Variants in MAGI1 observed in about 807,000 individuals in gnomAD.
MAGI1 encodes membrane associated guanylate kinase, WW and PDZ domain containing 1.
MAGI1 carries 58 observed loss-of-function variants against 139.9 expected under a neutral mutation model. The ratio of observed to expected loss-of-function variants is 0.41; its 90% CI spans 0.34 to 0.52. The LOEUF (loss-of-function observed/expected upper bound fraction) is 0.52. Among genes scored for constraint, MAGI1 ranks in the 20% least tolerant of loss-of-function variants. MAGI1 has a pLI of 0.12. For missense variants in MAGI1, 1,874 were observed against 1,901.6 expected (o/e 0.99, Z 0.27); for synonymous variants, 812 against 737.9 (o/e 1.10, Z -1.63).
rs1575588882 is a variant in MAGI1, at chr3:65,357,247, G to A, written c.3635-115C>T. The A allele has an allele frequency of 8.2e-6, 9 of 1,098,990 alleles. No homozygotes were observed. The Admixed American group carries it at 2.5e-4, about 30-fold the overall frequency. 68.1% of individuals were successfully genotyped at this position (1,098,990 alleles called of 1,614,324 possible). ...TCACAACAAGCAAACAACTGTTAAA[G>A]CAGTCAGACTCAAAGCCAACTGAAT... On this transcript the variant is annotated intron_variant, in intron 22 of 22. Transcript: ENST00000402939.
intron 2 of MAGI1, among the ~76,000 whole-genome samples, chr3:65,549,793 C>G (rs2079732218): frequency 6.6e-6 from 1 of 152,070 alleles, no homozygotes; most frequent in African/African-American, 2.4e-5. Context: ...AGGGGCCCAC[C>G]AAGAGCTGCT....
chr3:65,370,002 C>T (rs1014651533), intron 18 of MAGI1, among the ~76,000 whole-genome samples: 2 of 152,200 alleles, frequency 1.3e-5, no homozygotes, highest in African/African-American at 4.8e-5. Flanking sequence ...CACGCTTTCA[C>T]AGAAAGGAAG....
chr3:65,390,687 T>C (rs1943853268), intron 14 of MAGI1, among the ~76,000 whole-genome samples: 1 of 152,174 alleles, frequency 6.6e-6, no homozygotes. Flanking sequence ...GAGATTATAA[T>C]GGTTAAAAAA....
At chr3:65,956,797 A>C (rs1368512575) in intron 1 of MAGI1, among the ~76,000 whole-genome samples, 2 of 152,098 alleles carry the variant, frequency 1.3e-5, no homozygotes, top group Admixed American at 6.6e-5. Flanking sequence ...CAGAAGTTCA[A>C]GAACAGCCTG....
chr3:65,558,757 G>A (rs9812270), intron 2 of MAGI1, among the ~76,000 whole-genome samples: 17,807 of 152,078 alleles, frequency 0.12, 1,604 homozygotes, highest in African/African-American at 0.24. Flanking sequence ...TCCAGAGGAC[G>A]AGCCTGGCAA....
chr3:65,789,119 T>C (rs1180831729), intron 1 of MAGI1, among the ~76,000 whole-genome samples: 1 of 152,158 alleles, frequency 6.6e-6, no homozygotes, highest in Non-Finnish European at 1.5e-5. Flanking sequence ...AGGTGGAGGC[T>C]ATAGTGAGCT....
chr3:65,644,283 C>G (rs576790071), intron 1 of MAGI1, among the ~76,000 whole-genome samples: 2 of 152,012 alleles, frequency 1.3e-5, no homozygotes, highest in South Asian at 4.2e-4. Context: ...AAAACTCAAC[C>G]TGAATGAAAA....
In MAGI1 at chr3:66,038,304, G is replaced by T; in HGVS notation, c.5C>A (p.Ser2Tyr). M[S>Y]KVIQKKNHWT... ...GTGGTTCTTCTTCTGGATCACTTTG[G>T]ACATGATGAGTTACACCCCTCCTCC... The change falls in exon 1 of 23, where the codon TCC (serine) becomes TAC (tyrosine). Residue 2 changes from serine (S) to tyrosine (Y), a missense_variant. This residue lies in a region of MAGI1 where 648 missense variants were observed against 598.1 expected (regional missense o/e 1.08). Coordinates refer to ENST00000402939, the MANE Select transcript of MAGI1 (RefSeq NM_001033057.2). 1 of 1,572,336 alleles carries T rather than the reference G, an allele frequency of 6.4e-7. No homozygotes were observed.
intron 1 of MAGI1, among the ~76,000 whole-genome samples, chr3:65,732,872 T>C (rs570409715): frequency 6.6e-6 from 1 of 152,170 alleles, no homozygotes; most frequent in South Asian, 2.1e-4. Flanking sequence ...TTGAATTCAT[T>C]GATGAGAAAC....
intron 1 of MAGI1, among the ~76,000 whole-genome samples, chr3:65,965,008 C>T (rs1025516856): frequency 1.3e-5 from 2 of 152,204 alleles, no homozygotes; most frequent in Non-Finnish European, 1.5e-5. Flanking sequence ...CAAGCACATT[C>T]GCCAAAGCCC....
chr3:66,024,013 G>C (rs1437137473), intron 1 of MAGI1, among the ~76,000 whole-genome samples: 1 of 152,088 alleles, frequency 6.6e-6, no homozygotes, highest in African/African-American at 2.4e-5. Context: ...AACCTACATG[G>C]ACTATAATGC....
At chr3:65,526,682 C>T (rs1403336305) in intron 2 of MAGI1, among the ~76,000 whole-genome samples, 4 of 152,192 alleles carry the variant, frequency 2.6e-5, no homozygotes. Context: ...CTTCTCATCA[C>T]TTTAAATACA....
intron 2 of MAGI1, among the ~76,000 whole-genome samples, chr3:65,613,668 T>C (rs1009720482): frequency 6.6e-6 from 1 of 152,116 alleles, no homozygotes; most frequent in Non-Finnish European, 1.5e-5. Flanking sequence ...AAACAGAACA[T>C]TGGGGAATTA....
intron 1 of MAGI1, among the ~76,000 whole-genome samples, chr3:65,765,366 T>C (rs914959631): frequency 6.6e-6 from 1 of 152,204 alleles, no homozygotes; most frequent in South Asian, 2.1e-4. Context: ...CATTTGGTTG[T>C]GGCACTGGCG....
At chr3:65,560,944 G>T (rs534732104) in intron 2 of MAGI1, among the ~76,000 whole-genome samples, 1 of 152,282 alleles carries the variant, frequency 6.6e-6, no homozygotes, top group East Asian at 1.9e-4. Flanking sequence ...TTTAAAAATG[G>T]TTACGCCAGT....
intron 6 of MAGI1, among the ~76,000 whole-genome samples, chr3:65,451,805 T>C (rs1180541183): frequency 2.6e-5 from 4 of 151,942 alleles, no homozygotes; most frequent in Non-Finnish European, 5.9e-5. Flanking sequence ...CCAACACGCC[T>C]AGCTAATTTT....
At chr3:65,676,822 AT>A (rs1198085950) in intron 1 of MAGI1, among the ~76,000 whole-genome samples, 5 of 152,366 alleles carry the variant, frequency 3.3e-5, no homozygotes, top group African/African-American at 1.2e-4. Flanking sequence ...ATCACACAAA[AT>A]CAACAGTGTT....
intron 1 of MAGI1, among the ~76,000 whole-genome samples, chr3:65,920,752 A>G (rs2566352): frequency 0.2 from 30,066 of 152,136 alleles, 3,042 homozygotes; most frequent in Admixed American, 0.23. Context: ...ACAAAATGGC[A>G]GGGCGCAGTG....
At chr3:65,503,615 C>A (rs2077168122) in intron 2 of MAGI1, among the ~76,000 whole-genome samples, 1 of 152,146 alleles carries the variant, frequency 6.6e-6, no homozygotes, top group Admixed American at 6.5e-5. Flanking sequence ...GATCAGCAGA[C>A]CATTTCAGGT....
Sources: gnomAD v4.1 joint callset for allele counts (sites outside exome capture counted in the v4.1 genomes callset) on GRCh38, gnomAD v4.1.1 for gene constraint, gnomAD v4.1.1 regional missense constraint, MANE v1.5 for transcripts, NCBI Gene and HGNC (gene_info 2026-07-23, HGNC 2026-07-21) for gene names.